Variants in ASIC2 observed in about 807,000 individuals in gnomAD.
ASIC2 encodes acid sensing ion channel subunit 2.
A neutral mutation model predicts 57.3 loss-of-function variants in ASIC2; 25 were observed. The observed-to-expected ratio is 0.44, with a 90% confidence interval of 0.32 to 0.61. The LOEUF (loss-of-function observed/expected upper bound fraction) is 0.61, where lower values mean the gene tolerates loss of function less well. ASIC2 is among the 20% of genes least tolerant of loss of function. ASIC2 has a pLI of 0.06. For synonymous variants in ASIC2, 319 were observed against 307.5 expected, an observed-to-expected ratio of 1.04 and a Z score of -0.39; for missense variants, 641 against 738.1, an observed-to-expected ratio of 0.87 and a Z score of 1.52.
At chr17:33,283,915 A>G (rs939160019) in intron 1 of ASIC2, among the ~76,000 whole-genome samples, 2 of 152,210 alleles carry the variant, frequency 1.3e-5, no homozygotes, top group Non-Finnish European at 2.9e-5. Flanking sequence ...CAGTGCGTTG[A>G]CTTTGGAACC....
At chr17:33,210,229 A>T (rs1907219531) in intron 1 of ASIC2, among the ~76,000 whole-genome samples, 1 of 152,182 alleles carries the variant, frequency 6.6e-6, no homozygotes, top group South Asian at 2.1e-4. Flanking sequence ...TCAAATCCAG[A>T]ATAAGAAAAT....
intron 3 of ASIC2, among the ~76,000 whole-genome samples, chr17:33,082,992 G>A (rs536088883): frequency 6.6e-6 from 1 of 152,104 alleles, no homozygotes; most frequent in Non-Finnish European, 1.5e-5. Context: ...GCTTTGATTA[G>A]CTTGTCTAAG....
chr17:33,093,643 C>T (rs1235023091), intron 2 of ASIC2, among the ~76,000 whole-genome samples: 1 of 151,960 alleles, frequency 6.6e-6, no homozygotes, highest in Non-Finnish European at 1.5e-5. Context: ...AGAGCTTGGC[C>T]ATAGGTGGCA....
intron 1 of ASIC2, among the ~76,000 whole-genome samples, chr17:33,740,308 G>C (rs1597857045): frequency 6.6e-6 from 1 of 152,224 alleles, no homozygotes; most frequent in African/African-American, 2.4e-5. Flanking sequence ...AATCTATAAA[G>C]GAAAGAGGTT....
intron 3 of ASIC2, among the ~76,000 whole-genome samples, chr17:33,066,844 T>C (rs2092045539): frequency 6.6e-6 from 1 of 152,084 alleles, no homozygotes; most frequent in Admixed American, 6.6e-5. Flanking sequence ...TCTGGGGATA[T>C]AAAGGTGAGG....
At chr17:33,822,285 G>A (rs917192498) in intron 1 of ASIC2, among the ~76,000 whole-genome samples, 1 of 152,106 alleles carries the variant, frequency 6.6e-6, no homozygotes, top group South Asian at 2.1e-4. Context: ...TCCTGCATTG[G>A]GCTTTAGAGG....
At chr17:33,642,207 ACC>A (rs200980132) in intron 1 of ASIC2, among the ~76,000 whole-genome samples, 52,388 of 136,912 alleles carry the variant, frequency 0.38, 10,594 homozygotes, top group Admixed American at 0.54. Context: ...GCAAAAGGAC[ACC>A]CCCCCCCCCC....
chr17:33,405,487 CTT>C (rs35049672), intron 1 of ASIC2, among the ~76,000 whole-genome samples: 9 of 135,286 alleles, frequency 6.7e-5, no homozygotes, highest in Non-Finnish European at 7.8e-5. Context: ...TTTTTTCTTT[CTT>C]TTTTTTTTTT....
At chr17:33,099,138 A>G (rs7214417) in intron 2 of ASIC2, among the ~76,000 whole-genome samples, 113,229 of 151,610 alleles carry the variant, frequency 0.75, 42,812 homozygotes, top group South Asian at 0.87. Flanking sequence ...GATTACAGGC[A>G]TGCACCACCA....
chr17:33,495,753 G>T (rs952097752), intron 1 of ASIC2, among the ~76,000 whole-genome samples: 1 of 152,142 alleles, frequency 6.6e-6, no homozygotes, highest in African/African-American at 2.4e-5. Flanking sequence ...GTGAACTGTG[G>T]GGAGGCCTGC....
intron 1 of ASIC2, among the ~76,000 whole-genome samples, chr17:33,330,995 G>C (rs1372540727): frequency 2.6e-5 from 4 of 152,128 alleles, no homozygotes; most frequent in Non-Finnish European, 4.4e-5. Flanking sequence ...GCTACAGACT[G>C]ATGCTTGTTA....
At chr17:33,275,019 C>G (rs1055544836) in intron 1 of ASIC2, among the ~76,000 whole-genome samples, 18 of 152,302 alleles carry the variant, frequency 1.2e-4, no homozygotes, top group African/African-American at 4.3e-4. Flanking sequence ...ACCAGAACCT[C>G]ATGCCCCTAG....
intron 1 of ASIC2, among the ~76,000 whole-genome samples, chr17:33,432,942 G>A (rs1429336537): frequency 3.9e-5 from 6 of 152,174 alleles, no homozygotes; most frequent in African/African-American, 1.2e-4. Context: ...GAACACTTAC[G>A]CACCGTTGGT....
At chr17:33,127,115 C>T (rs370684228) in intron 1 of ASIC2, among the ~76,000 whole-genome samples, 2 of 149,296 alleles carry the variant, frequency 1.3e-5, no homozygotes, top group Non-Finnish European at 3.0e-5. Context: ...ATGATCCACC[C>T]GCCTCGGCCT....
intron 1 of ASIC2, among the ~76,000 whole-genome samples, chr17:33,996,110 C>T (rs960796715): frequency 6.6e-6 from 1 of 152,038 alleles, no homozygotes; most frequent in African/African-American, 2.4e-5. Flanking sequence ...TGATGTTGAA[C>T]ATTTTTTTTC....
intron 1 of ASIC2, chr17:34,155,945 CCAGA>C (rs1395287895): frequency 1.9e-6 from 3 of 1,571,716 alleles, no homozygotes; most frequent in South Asian, 2.4e-5. Context: ...CTCCAGAGGA[CCAGA>C]CAGAGTGAGC....
At chr17:33,854,851 G>C (rs1198062514) in intron 1 of ASIC2, among the ~76,000 whole-genome samples, 1 of 152,072 alleles carries the variant, frequency 6.6e-6, no homozygotes, top group East Asian at 1.9e-4. Context: ...GGTGGTGTGT[G>C]TTAGCTTGTG....
intron 3 of ASIC2, among the ~76,000 whole-genome samples, chr17:33,069,588 G>A (rs1360247589): frequency 2.0e-5 from 3 of 151,988 alleles, no homozygotes; most frequent in Non-Finnish European, 4.4e-5. Context: ...ATTATGAAAT[G>A]ACCTTCTTTG....
chr17:33,795,947 TGAATACTTGTTGAATCTGGGA>T (rs1345849718), intron 1 of ASIC2, among the ~76,000 whole-genome samples: 1 of 152,218 alleles, frequency 6.6e-6, no homozygotes, highest in African/African-American at 2.4e-5. Context: ...CAGAAATTCA[TGAATACTTGTTGAATCTGGGA>T]GAATTCCAGT....
Sources: gnomAD v4.1 joint callset for allele counts (sites outside exome capture counted in the v4.1 genomes callset) on GRCh38, gnomAD v4.1.1 for gene constraint, MANE v1.5 for transcripts, NCBI Gene and HGNC (gene_info 2026-07-23, HGNC 2026-07-21) for gene names.